CSRNP3: variants seen among roughly 807,000 people sequenced by gnomAD.
The protein encoded by CSRNP3 is cysteine and serine rich nuclear protein 3, also known as cysteine/serine-rich nuclear protein 3.
A neutral mutation model predicts 48.0 loss-of-function variants in CSRNP3; 12 were observed. The observed-to-expected ratio is 0.25, with a 90% CI of 0.16 to 0.41. The LOEUF (loss-of-function observed/expected upper bound fraction) is 0.41, where lower values mean the gene tolerates loss of function less well. Ranked by LOEUF, CSRNP3 falls within the 10% of genes least tolerant of loss-of-function variation. CSRNP3 has a pLI of 1.00. For synonymous variants in CSRNP3, 263 were observed against 269.7 expected (o/e 0.98, Z 0.24); for missense variants, 580 against 724.4 (o/e 0.80, Z 2.29).
At chr2:165,538,343 A>C (rs1174339730) in intron 3 of CSRNP3, among the ~76,000 whole-genome samples, 1 of 151,912 alleles carries the variant, frequency 6.6e-6, no homozygotes, top group Non-Finnish European at 1.5e-5. Flanking sequence ...GGGACAGGCC[A>C]TTTTGAGGCT....
At chr2:165,654,805 T>G (rs1686974852) in intron 4 of CSRNP3, among the ~76,000 whole-genome samples, 1 of 152,106 alleles carries the variant, frequency 6.6e-6, no homozygotes, top group African/African-American at 2.4e-5. Flanking sequence ...ACTTTTTGTA[T>G]TTTTAGTAGA....
chr2:165,688,787 T>C lies in CSRNP3; in HGVS notation c.*9034T>C, dbSNP rs374583677. 6.6e-6 allele frequency: 1 copy of C among 151,660 alleles called. No homozygotes were observed. The highest frequency in any genetic ancestry group is 2.4e-5 in the African/African-American group (1 of 41,014). 9.4% of individuals were successfully genotyped at this position (151,660 alleles called of 1,614,324 possible). A position where few individuals can be genotyped will look rare whatever the true frequency, so the allele number is the denominator to read the frequency against. On this transcript the variant is annotated 3_prime_UTR_variant, in exon 7 of 7. Transcript: ENST00000651982. ...AATATTTGTTCTCTTATTTTTTGTT[T>C]GTTTGTTGCTGGCAAAAAAAAAAGT...
rs1573911141 is a variant in CSRNP3, at chr2:165,603,020, T to G, written c.148+7807T>G. 5.3e-5 allele frequency among the ~76,000 whole-genome samples: 8 copies of G among 152,190 alleles called. 1 individual carries two copies. The highest frequency in any genetic ancestry group is 3.9e-4 in the Admixed American group (6 of 15,284). The stretch of plus-strand genomic sequence containing the variant: ...ACGCCATTCTCCTGCCTCAGCCTCA[T>G]GAGTAGCTGGGACTACAGGCACCTG... On this transcript the variant is annotated intron_variant, in intron 4 of 6. Coordinates refer to ENST00000651982, the MANE Select transcript of CSRNP3 (RefSeq NM_001172173.2).
At chr2:165,603,690 C>G (rs1407917292) in intron 4 of CSRNP3, among the ~76,000 whole-genome samples, 1 of 152,162 alleles carries the variant, frequency 6.6e-6, no homozygotes, top group Non-Finnish European at 1.5e-5. Flanking sequence ...GTTCTTCACT[C>G]TATATCCATT....
chr2:165,616,296 T>C (rs932811537), intron 4 of CSRNP3, among the ~76,000 whole-genome samples: 2 of 152,214 alleles, frequency 1.3e-5, no homozygotes, highest in African/African-American at 4.8e-5. Flanking sequence ...GTGGTTTTTC[T>C]GTAATGATAA....
intron 4 of CSRNP3, among the ~76,000 whole-genome samples, chr2:165,643,218 A>G (rs1176266363): frequency 2.6e-5 from 4 of 152,198 alleles, no homozygotes; most frequent in African/African-American, 9.6e-5. Flanking sequence ...ACATTCCTCC[A>G]TGTGTCTTAT....
intron 4 of CSRNP3, among the ~76,000 whole-genome samples, chr2:165,637,877 C>T (rs1010746251): frequency 3.9e-5 from 6 of 152,174 alleles, no homozygotes; most frequent in African/African-American, 9.7e-5. Flanking sequence ...AACCAGTATT[C>T]GCATTGTATT....
chr2:165,588,039 C>T (rs1022663335), intron 3 of CSRNP3, among the ~76,000 whole-genome samples: 1 of 152,072 alleles, frequency 6.6e-6, no homozygotes, highest in Non-Finnish European at 1.5e-5. Context: ...AAGATCCCTG[C>T]TCTTGTATTT....
intron 5 of CSRNP3, among the ~76,000 whole-genome samples, chr2:165,672,720 G>A (rs1687351376): frequency 6.6e-6 from 1 of 152,128 alleles, no homozygotes. Flanking sequence ...GTGAGTGGGT[G>A]GACAAAATTA....
chr2:165,602,042 C>T (rs1378788437), intron 4 of CSRNP3, among the ~76,000 whole-genome samples: 2 of 152,006 alleles, frequency 1.3e-5, no homozygotes, highest in Admixed American at 1.3e-4. Context: ...TTATGTCTAC[C>T]CAGCATTGTA....
At chr2:165,594,369 A>C (rs1315354058) in intron 3 of CSRNP3, among the ~76,000 whole-genome samples, 1 of 152,214 alleles carries the variant, frequency 6.6e-6, no homozygotes, top group Non-Finnish European at 1.5e-5. Flanking sequence ...GCCCAGGGAA[A>C]GGGGAAAGTC....
chr2:165,572,447 G>C (rs1352275808), intron 3 of CSRNP3: 2 of 152,102 alleles, frequency 1.3e-5, no homozygotes, highest in Non-Finnish European at 2.9e-5. Flanking sequence ...TAAAACACAG[G>C]GCTGGGAAAT....
intron 3 of CSRNP3, among the ~76,000 whole-genome samples, chr2:165,593,758 G>A (rs4667490): frequency 0.49 from 73,975 of 151,730 alleles, 18,210 homozygotes; most frequent in African/African-American, 0.55. Context: ...AATTCCTCAG[G>A]TGTGAGTTAG....
At chr2:165,614,575 G>T (rs1686198984) in intron 4 of CSRNP3, among the ~76,000 whole-genome samples, 1 of 152,040 alleles carries the variant, frequency 6.6e-6, no homozygotes, top group African/African-American at 2.4e-5. Context: ...GTCATATATG[G>T]CCTTTATTGT....
intron 2 of CSRNP3, among the ~76,000 whole-genome samples, chr2:165,514,722 TCTCCTCCTGCTCCTC>T (rs1451966252): frequency 8.5e-5 from 13 of 152,088 alleles, no homozygotes; most frequent in African/African-American, 2.7e-4. Context: ...TCCTGCTCCT[TCTCCTCCTGCTCCTC>T]CTCCTCCTTA....
intron 4 of CSRNP3, among the ~76,000 whole-genome samples, chr2:165,649,025 T>C (rs996842451): frequency 6.6e-6 from 1 of 152,154 alleles, no homozygotes; most frequent in South Asian, 2.1e-4. Context: ...TATCTCTTGC[T>C]TGCTTGTGTG....
At chr2:165,530,417 A>G (rs1281895718) in intron 3 of CSRNP3, among the ~76,000 whole-genome samples, 1 of 152,158 alleles carries the variant, frequency 6.6e-6, no homozygotes. Flanking sequence ...ATTCCAGATG[A>G]AGAATGCAGA....
chr2:165,487,517 A>G (rs1283260004), intron 1 of CSRNP3, among the ~76,000 whole-genome samples: 1 of 147,476 alleles, frequency 6.8e-6, no homozygotes, highest in Non-Finnish European at 1.5e-5. Context: ...GTTGAAATGA[A>G]GGAAAAAATG....
At chr2:165,653,945 C>A (rs1686958795) in intron 4 of CSRNP3, among the ~76,000 whole-genome samples, 1 of 111,824 alleles carries the variant, frequency 8.9e-6, no homozygotes, top group African/African-American at 3.6e-5. Flanking sequence ...GCACTCCAGT[C>A]TGGGCAACAA....
Sources: allele counts gnomAD v4.1 joint callset (sites outside exome capture counted in the v4.1 genomes callset), GRCh38; gene constraint gnomAD v4.1.1; transcripts MANE v1.5; gene names NCBI Gene and HGNC (gene_info 2026-07-23, HGNC 2026-07-21).